The following HOMER1 variants were observed in gnomAD, a reference collection of about 807,000 sequenced individuals.
HOMER1 encodes homer protein homolog 1.
In HOMER1, 3 loss-of-function variants were observed where a neutral mutation model predicts 48.9. That is an observed-to-expected ratio of 0.06 (90% CI 0.03 to 0.16). The LOEUF is 0.16. Among genes scored for constraint, HOMER1 ranks in the 10% least tolerant of loss-of-function variants. The pLI is 1.00. For synonymous variants in HOMER1, 134 were observed against 146.4 expected, an observed-to-expected ratio of 0.92 and a Z score of 0.61; for missense variants, 247 against 411.4, an observed-to-expected ratio of 0.60 and a Z score of 3.46.
intron 5 of HOMER1, among the ~76,000 whole-genome samples, chr5:79,407,376 G>C (rs1266982924): frequency 6.6e-6 from 1 of 151,836 alleles, no homozygotes; most frequent in Non-Finnish European, 1.5e-5. Context: ...ATCATACTCA[G>C]AGATTAATCT....
At chr5:79,393,678 A>C (rs2007648) in intron 8 of HOMER1, among the ~76,000 whole-genome samples, 60,090 of 151,976 alleles carry the variant, frequency 0.4, 12,706 homozygotes, top group East Asian at 0.54. Context: ...TCTTGTTTGA[A>C]AGTTTATCTT....
chr5:79,479,583 A>T (rs1235560727), intron 1 of HOMER1, among the ~76,000 whole-genome samples: 1 of 152,228 alleles, frequency 6.6e-6, no homozygotes, highest in African/African-American at 2.4e-5. Flanking sequence ...TGTCCCCTAC[A>T]GCCTCCTGAA....
intron 8 of HOMER1, among the ~76,000 whole-genome samples, chr5:79,378,058 A>G (rs1460321798): frequency 6.6e-6 from 1 of 152,040 alleles, no homozygotes; most frequent in East Asian, 1.9e-4. Context: ...CGTCTCTACT[A>G]AAAATATAAA....
intron 1 of HOMER1, among the ~76,000 whole-genome samples, chr5:79,465,633 C>T (rs1337212180): frequency 1.6e-5 from 2 of 125,040 alleles, no homozygotes; most frequent in Non-Finnish European, 3.1e-5. Flanking sequence ...CGCTCTGTCG[C>T]CCAGGCTGGA....
chr5:79,441,614 C>T (rs1440638765), intron 4 of HOMER1, among the ~76,000 whole-genome samples: 5 of 151,892 alleles, frequency 3.3e-5, no homozygotes, highest in Non-Finnish European at 7.4e-5. Flanking sequence ...AACAAAAAGC[C>T]CACCCAAAGC....
chr5:79,467,463 A>T (rs917816996), intron 1 of HOMER1, among the ~76,000 whole-genome samples: 10 of 151,894 alleles, frequency 6.6e-5, no homozygotes, highest in Admixed American at 6.6e-4. Context: ...ACCTTCAACG[A>T]ACAATCATAA....
intron 6 of HOMER1, among the ~76,000 whole-genome samples, chr5:79,401,613 A>G (rs1001273590): frequency 6.6e-6 from 1 of 152,164 alleles, no homozygotes; most frequent in Non-Finnish European, 1.5e-5. Context: ...ATCAACTAGC[A>G]CTAATACATT....
At chr5:79,427,001 T>C (rs1053725387) in intron 5 of HOMER1, among the ~76,000 whole-genome samples, 4 of 152,216 alleles carry the variant, frequency 2.6e-5, no homozygotes, top group East Asian at 1.9e-4. Context: ...ACTTTGTACA[T>C]ACAGCAGCCT....
intron 1 of HOMER1, among the ~76,000 whole-genome samples, chr5:79,484,624 T>C (rs187681995): frequency 3.9e-4 from 60 of 152,282 alleles, no homozygotes; most frequent in African/African-American, 1.3e-3. Context: ...ACCTATATGA[T>C]GCTTATAAGA....
intron 3 of HOMER1, among the ~76,000 whole-genome samples, chr5:79,450,142 C>A (rs895541867): frequency 1.3e-5 from 2 of 152,130 alleles, no homozygotes; most frequent in African/African-American, 4.8e-5. Flanking sequence ...CCTGCATATA[C>A]CAAATCATAT....
At chr5:79,454,712 G>C (rs1304275649) in intron 2 of HOMER1, among the ~76,000 whole-genome samples, 2 of 152,088 alleles carry the variant, frequency 1.3e-5, no homozygotes, top group Non-Finnish European at 2.9e-5. Flanking sequence ...AGTTAACCTA[G>C]TTAAGGAGAT....
intron 6 of HOMER1, among the ~76,000 whole-genome samples, chr5:79,398,923 T>C (rs530698365): frequency 3.9e-5 from 6 of 152,210 alleles, no homozygotes; most frequent in Non-Finnish European, 7.3e-5. Context: ...GCTCAGCATG[T>C]GCTTTCTCCA....
At chr5:79,385,403 A>G (rs1359618224) in intron 8 of HOMER1, among the ~76,000 whole-genome samples, 1 of 152,228 alleles carries the variant, frequency 6.6e-6, no homozygotes, top group East Asian at 1.9e-4. Flanking sequence ...CAACTCAACA[A>G]AAAACCACAA....
At chr5:79,417,924 G>A (rs1377147128) in intron 5 of HOMER1, among the ~76,000 whole-genome samples, 1 of 152,174 alleles carries the variant, frequency 6.6e-6, no homozygotes, top group East Asian at 1.9e-4. Context: ...TGTGTGAAAA[G>A]ATATGGATAA....
chr5:79,438,875 G>GT (rs1370544681), intron 5 of HOMER1, 135 bp downstream of exon 5: 3 of 592,786 alleles, frequency 5.1e-6, no homozygotes, highest in Admixed American at 3.3e-5. Flanking sequence ...AACAGAAGCA[G>GT]TAAAAAAAAA....
intron 5 of HOMER1, among the ~76,000 whole-genome samples, chr5:79,410,871 G>A (rs1749797948): frequency 6.6e-6 from 1 of 152,158 alleles, no homozygotes; most frequent in South Asian, 2.1e-4. Context: ...GAGGTTCTCT[G>A]TTAATTTGGT....
chr5:79,464,595 C>G (rs1751402847), intron 1 of HOMER1, among the ~76,000 whole-genome samples: 1 of 152,180 alleles, frequency 6.6e-6, no homozygotes, highest in African/African-American at 2.4e-5. Context: ...TCCTGTACAA[C>G]TTAATAATAT....
chr5:79,462,157 C>A (rs572204519), intron 1 of HOMER1, among the ~76,000 whole-genome samples: 2 of 152,246 alleles, frequency 1.3e-5, no homozygotes, highest in African/African-American at 4.8e-5. Context: ...CAAGATCACG[C>A]CACTGCACCC....
At chr5:79,407,724 T>C (rs183383244) in intron 5 of HOMER1, among the ~76,000 whole-genome samples, 466 of 152,052 alleles carry the variant, frequency 3.1e-3, no homozygotes, top group Admixed American at 6.8e-3. Context: ...ACTAGAATCA[T>C]AGAAGGAGAA....
Sources: allele counts gnomAD v4.1 joint callset (sites outside exome capture counted in the v4.1 genomes callset), GRCh38; gene constraint gnomAD v4.1.1; transcripts MANE v1.5; gene names NCBI Gene and HGNC (gene_info 2026-07-23, HGNC 2026-07-21).